The following KRABD3 variants were observed in gnomAD, a reference collection of about 807,000 sequenced individuals.
The protein encoded by KRABD3 is KRAB domain-containing protein 3.
chr7:149,716,437 G>A, the KRABD3 span, among the ~76,000 whole-genome samples: 1,872 of 152,330 alleles, frequency 0.012, 43 homozygotes, highest in African/African-American at 0.042. Context: ...GAGCCAGCCA[G>A]TGGTGGCCTT....
the KRABD3 span, among the ~76,000 whole-genome samples, chr7:149,732,898 C>G: frequency 6.6e-6 from 1 of 152,104 alleles, no homozygotes; most frequent in Non-Finnish European, 1.5e-5. This position sits in a 1 kb window ranked among gnomAD's most constrained non-coding sequence, Gnocchi z 4.0. Flanking sequence ...TTGGTCTCAT[C>G]AACAACACAA....
chr7:149,732,475 A>G, the KRABD3 span, among the ~76,000 whole-genome samples: 3 of 152,206 alleles, frequency 2.0e-5, no homozygotes, highest in African/African-American at 4.8e-5. This position sits in a 1 kb window ranked among gnomAD's most constrained non-coding sequence, Gnocchi z 4.0. Context: ...CCAGAGAAAC[A>G]GGGAAGAAAC....
chr7:149,715,441 C>A, the KRABD3 span: 1 of 849,778 alleles, frequency 1.2e-6, no homozygotes, highest in Non-Finnish European at 1.4e-6. Flanking sequence ...TAGAACAAAC[C>A]CCAAGTTTTG....
the KRABD3 span, chr7:149,723,918 C>A: frequency 6.2e-7 from 1 of 1,608,680 alleles, no homozygotes. Flanking sequence ...GCTGGGAGGG[C>A]CCCCAGACAT....
At chr7:149,723,564 C>G in the KRABD3 span, 3 of 624,748 alleles carry the variant, frequency 4.8e-6, no homozygotes, top group Admixed American at 3.0e-5. Flanking sequence ...TTGCCCTGTC[C>G]GGTTCTGGCA....
At chr7:149,719,345 A>G in the KRABD3 span, 1 of 492,972 alleles carries the variant, frequency 2.0e-6, no homozygotes, top group Non-Finnish European at 3.5e-6. The surrounding 1 kb of genome is among the most constrained non-coding windows in gnomAD (Gnocchi z 5.6). Flanking sequence ...TACAGGCGTG[A>G]GGGTTAGGAC....
At chr7:149,715,361 TCA>T in the KRABD3 span, 1 of 1,181,276 alleles carries the variant, frequency 8.5e-7, no homozygotes, top group Non-Finnish European at 1.0e-6. Flanking sequence ...TGAGTAAATC[TCA>T]TACTTCTGTT....
the KRABD3 span, chr7:149,719,485 G>A: frequency 2.0e-6 from 3 of 1,500,766 alleles, no homozygotes; most frequent in South Asian, 3.8e-5. The surrounding 1 kb of genome is among the most constrained non-coding windows in gnomAD (Gnocchi z 5.6). Flanking sequence ...CAAGTGCAGG[G>A]ACAGCTAGGC....
chr7:149,718,845 A>C, the KRABD3 span, among the ~76,000 whole-genome samples: 1 of 152,198 alleles, frequency 6.6e-6, no homozygotes, highest in Non-Finnish European at 1.5e-5. Context: ...AACATAGACA[A>C]AAATGCTCGT....
At chr7:149,720,058 G>A in the KRABD3 span, 2 of 1,553,552 alleles carry the variant, frequency 1.3e-6, no homozygotes, top group South Asian at 2.4e-5. Flanking sequence ...CTCAGAGCCT[G>A]GAAGAGCTGT....
chr7:149,733,485 G>T, the KRABD3 span: 620 of 1,581,394 alleles, frequency 3.9e-4, 4 homozygotes, highest in African/African-American at 7.2e-3. Context: ...CGCCCCCAAG[G>T]CCCTGGGCCA....
chr7:149,723,969 CACCACA>C, the KRABD3 span: 1 of 1,468,408 alleles, frequency 6.8e-7, no homozygotes, highest in South Asian at 1.3e-5. Flanking sequence ...AGGTGGCCCC[CACCACA>C]AACACTCAGG....
At chr7:149,729,856 C>T in the KRABD3 span, 1 of 985,286 alleles carries the variant, frequency 1.0e-6, no homozygotes. Flanking sequence ...AGCCGCCTGG[C>T]CTGTGAGACC....
chr7:149,730,693 C>G, the KRABD3 span: 16 of 1,232,066 alleles, frequency 1.3e-5, no homozygotes, highest in South Asian at 3.0e-5. Flanking sequence ...GCACATTGGC[C>G]GTGCTTTAGT....
At chr7:149,719,781 A>G in the KRABD3 span, 1 of 1,354,932 alleles carries the variant, frequency 7.4e-7, no homozygotes, top group Non-Finnish European at 1.0e-6. This position sits in a 1 kb window ranked among gnomAD's most constrained non-coding sequence, Gnocchi z 5.6. Context: ...AGAAATGAAC[A>G]CGGGGATCGT....
the KRABD3 span, chr7:149,719,717 C>G: frequency 6.4e-7 from 1 of 1,568,174 alleles, no homozygotes; most frequent in Non-Finnish European, 8.6e-7. This position sits in a 1 kb window ranked among gnomAD's most constrained non-coding sequence, Gnocchi z 5.6. Context: ...GCCTGGTGGG[C>G]GGTGGAAGGG....
the KRABD3 span, chr7:149,726,065 G>A: frequency 6.2e-7 from 1 of 1,607,886 alleles, no homozygotes; most frequent in Middle Eastern, 1.7e-4. Flanking sequence ...GAAAAGGTGA[G>A]CTGGGCCAGC....
At chr7:149,733,830 G>A in the KRABD3 span, 1 of 1,603,690 alleles carries the variant, frequency 6.2e-7, no homozygotes, top group Middle Eastern at 1.7e-4. Flanking sequence ...GGCCACCAGA[G>A]CCCCCTTCCC....
At chr7:149,734,147 G>A in the KRABD3 span, 969 of 1,425,732 alleles carry the variant, frequency 6.8e-4, 1 homozygote, top group East Asian at 1.9e-3. Flanking sequence ...CCCAGAGGAC[G>A]CCATCTCCCT....
Sources: allele counts gnomAD v4.1 joint callset (sites outside exome capture counted in the v4.1 genomes callset), GRCh38; gene constraint gnomAD v4.1.1; non-coding constraint Gnocchi (gnomAD v3.1); transcripts MANE v1.5; gene names NCBI Gene and HGNC (gene_info 2026-07-23, HGNC 2026-07-21).